The following STK32B variants were observed in gnomAD, a reference collection of about 807,000 sequenced individuals.
STK32B encodes serine/threonine kinase 32B.
STK32B carries 43 observed loss-of-function variants against 52.6 expected under a neutral mutation model. The ratio of observed to expected loss-of-function variants is 0.82; its 90% confidence interval spans 0.64 to 1.05. The LOEUF (loss-of-function observed/expected upper bound fraction) is 1.05. Ranked by LOEUF, STK32B falls within the 50% of genes least tolerant of loss-of-function variation. The pLI, the probability that STK32B is intolerant of heterozygous loss-of-function variation, is 0.00. For missense variants in STK32B, 621 were observed against 534.6 expected, an observed-to-expected ratio of 1.16 and a Z score of -1.59; for synonymous variants, 238 against 204.3, an observed-to-expected ratio of 1.17 and a Z score of -1.41.
At chr4:5,175,599 A>G (rs1360490404) in intron 3 of STK32B, among the ~76,000 whole-genome samples, 1 of 152,224 alleles carries the variant, frequency 6.6e-6, no homozygotes, top group Non-Finnish European at 1.5e-5. Context: ...TATCAGCAGC[A>G]GTGGCTGCAG....
intron 2 of STK32B, among the ~76,000 whole-genome samples, chr4:5,145,304 T>C (rs11945724): frequency 0.33 from 49,631 of 152,132 alleles, 9,523 homozygotes; most frequent in Non-Finnish European, 0.44. Context: ...TTGCAAATAT[T>C]TGTACATTTC....
At chr4:5,377,884 G>C (rs890958304) in intron 4 of STK32B, among the ~76,000 whole-genome samples, 1 of 152,108 alleles carries the variant, frequency 6.6e-6, no homozygotes, top group African/African-American at 2.4e-5. Context: ...GAATTACCCA[G>C]TCTCTGGTAT....
At chr4:5,492,490 T>A (rs1006023812) in intron 11 of STK32B, among the ~76,000 whole-genome samples, 2 of 151,760 alleles carry the variant, frequency 1.3e-5, no homozygotes, top group African/African-American at 4.8e-5. Flanking sequence ...GACAATGGGG[T>A]TTTCTAGATA....
intron 11 of STK32B, among the ~76,000 whole-genome samples, chr4:5,497,476 A>G (rs1720379936): frequency 6.6e-6 from 1 of 152,170 alleles, no homozygotes. Flanking sequence ...GTCCACTAGG[A>G]TGATGCATTT....
chr4:5,381,293 G>A (rs1167921979), intron 4 of STK32B, among the ~76,000 whole-genome samples: 1 of 152,198 alleles, frequency 6.6e-6, no homozygotes, highest in Non-Finnish European at 1.5e-5. Flanking sequence ...GATGGATGAG[G>A]AAGCTAGACT....
chr4:5,224,461 C>T (rs1479795081), intron 3 of STK32B, among the ~76,000 whole-genome samples: 1 of 152,202 alleles, frequency 6.6e-6, no homozygotes, highest in African/African-American at 2.4e-5. Context: ...TCCTCCAGCT[C>T]TCTTGTAGCC....
At chr4:5,347,510 G>C (rs1001329179) in intron 4 of STK32B, among the ~76,000 whole-genome samples, 1 of 152,140 alleles carries the variant, frequency 6.6e-6, no homozygotes, top group Non-Finnish European at 1.5e-5. Context: ...TATTTTAGTA[G>C]AGCTTATGTA....
chr4:5,419,736 G>A (rs1317645278), intron 6 of STK32B, among the ~76,000 whole-genome samples: 1 of 152,140 alleles, frequency 6.6e-6, no homozygotes, highest in Non-Finnish European at 1.5e-5. Context: ...ACTTATTTTT[G>A]TAGCAAATGC....
chr4:5,162,930 C>G (rs192574769), intron 2 of STK32B, among the ~76,000 whole-genome samples: 1 of 152,290 alleles, frequency 6.6e-6, no homozygotes, highest in East Asian at 1.9e-4. Context: ...TTCAGCAGAT[C>G]CCTCAATCAC....
In STK32B at chr4:5,399,118, T is replaced by G. The variant is rs1453510560; in HGVS notation, c.472+874T>G. On this transcript the variant is annotated intron_variant, in intron 5 of 11. Transcript: ENST00000282908. The surrounding 1 kb of genome is among the most constrained non-coding windows in gnomAD (Gnocchi z 5.4). The stretch of plus-strand genomic sequence containing the variant: ...GGACTTGACAATCAATTGTGGCTGA[T>G]GCCAACAGGAGACTTACAGCCTTCA... Among the ~76,000 whole-genome samples the G allele has an allele frequency of 8.5e-5, 13 of 152,230 alleles. No individual in the cohort carries two copies. Among genetic ancestry groups the G allele is most frequent in the Non-Finnish European group, 1.3e-4 (9 of 68,046 alleles).
chr4:5,202,513 T>C (rs1436880222), intron 3 of STK32B, among the ~76,000 whole-genome samples: 1 of 152,258 alleles, frequency 6.6e-6, no homozygotes, highest in Non-Finnish European at 1.5e-5. Context: ...CAGTGGGGAC[T>C]CTGTGAGAGG....
chr4:5,410,876 G>A (rs112190812), intron 5 of STK32B, among the ~76,000 whole-genome samples: 67 of 152,266 alleles, frequency 4.4e-4, no homozygotes, highest in African/African-American at 1.5e-3. Context: ...GTCCAAGATC[G>A]TGGGCAGATT....
chr4:5,202,779 C>T (rs993300926), intron 3 of STK32B, among the ~76,000 whole-genome samples: 2 of 152,232 alleles, frequency 1.3e-5, no homozygotes, highest in Admixed American at 1.3e-4. Context: ...GGTTCCATCC[C>T]CTCATGTCTG....
chr4:5,037,628 G>T, the STK32B span, among the ~76,000 whole-genome samples: 1 of 152,052 alleles, frequency 6.6e-6, no homozygotes, highest in South Asian at 2.1e-4. Flanking sequence ...TCTGAGAAAG[G>T]GCTCTGACAA....
intron 3 of STK32B, among the ~76,000 whole-genome samples, chr4:5,211,634 C>G (rs1007426719): frequency 3.9e-5 from 6 of 152,096 alleles, no homozygotes; most frequent in African/African-American, 1.4e-4. Context: ...AAATGTGGCC[C>G]ATCTCCTCCC....
the STK32B span, among the ~76,000 whole-genome samples, chr4:5,023,848 C>T: frequency 6.6e-6 from 1 of 152,326 alleles, no homozygotes; most frequent in African/African-American, 2.4e-5. Context: ...TGCTGTGTGT[C>T]CATGAGTCTT....
chr4:5,243,010 G>A lies in STK32B; in HGVS notation c.260+74560G>A, dbSNP rs527843400. 9.8e-4 allele frequency among the ~76,000 whole-genome samples: 149 copies of A among 152,242 alleles called. 1 individual carries two copies. The highest frequency in any genetic ancestry group is 2.1e-3 in the Admixed American group (32 of 15,290). On this transcript the variant is annotated intron_variant, in intron 3 of 11. Coordinates refer to ENST00000282908, the MANE Select transcript of STK32B (RefSeq NM_018401.3). The stretch of plus-strand genomic sequence containing the variant: ...GTAGTATGGTTTGAAGTCAGGTAGC[G>A]TGATGCCTCCAGCTTTGTTCTTTTG...
intron 4 of STK32B, among the ~76,000 whole-genome samples, chr4:5,357,018 T>TAC (rs754199241): frequency 0.023 from 3,390 of 150,476 alleles, 117 homozygotes; most frequent in African/African-American, 0.078. Flanking sequence ...TATATATATA[T>TAC]ATATACACAC....
At chr4:5,214,267 G>C (rs1301128790) in intron 3 of STK32B, 1 of 152,324 alleles carries the variant, frequency 6.6e-6, no homozygotes, top group Non-Finnish European at 1.5e-5. Flanking sequence ...GTGTAAATGC[G>C]TTTACTTCTC....
Sources: gnomAD v4.1 joint callset for allele counts (sites outside exome capture counted in the v4.1 genomes callset) on GRCh38, gnomAD v4.1.1 for gene constraint, Gnocchi (gnomAD v3.1) non-coding constraint, MANE v1.5 for transcripts, NCBI Gene and HGNC (gene_info 2026-07-23, HGNC 2026-07-21) for gene names.